NYAP2: variants seen among roughly 807,000 people sequenced by gnomAD.
NYAP2 encodes the protein neuronal tyrosine-phosphorylated phosphoinositide-3-kinase adapter 2.
Under a neutral mutation model 50.4 loss-of-function variants are expected in NYAP2, and 23 were observed. The observed-to-expected ratio is 0.46, with a 90% confidence interval of 0.33 to 0.65. NYAP2 has a LOEUF of 0.65. Ranked by LOEUF, NYAP2 falls within the 30% of genes least tolerant of loss-of-function variation. The pLI is 0.02. For missense variants in NYAP2, 885 were observed against 861.0 expected (o/e 1.03, Z -0.35); for synonymous variants, 394 against 365.2 (o/e 1.08, Z -0.90).
In NYAP2 at chr2:225,596,629, G is replaced by A. The variant is rs529289168; in HGVS notation, c.1618+13594G>A. 9.9e-5 allele frequency among the ~76,000 whole-genome samples: 15 copies of A among 152,148 alleles called. 1 individual carries two copies. The East Asian group carries it at 2.5e-3, about 25-fold the overall frequency. On this transcript the variant is annotated intron_variant, in intron 5 of 6. Transcript: ENST00000636099. ...TAAAGCTAATTTTTTTTAAAAAATA[G>A]CACCATCCAATAGAATTGCCATGAT...
intron 5 of NYAP2, among the ~76,000 whole-genome samples, chr2:225,584,981 A>G (rs1056219429): frequency 1.3e-5 from 2 of 152,246 alleles, no homozygotes; most frequent in East Asian, 3.9e-4. Flanking sequence ...TGTTACTGAC[A>G]TCTATTGGGT....
chr2:225,459,442 G>A (rs867704026), intron 3 of NYAP2, among the ~76,000 whole-genome samples: 7 of 151,974 alleles, frequency 4.6e-5, no homozygotes, highest in Admixed American at 3.3e-4. Context: ...GAAATTTAAC[G>A]GATTGAAAAT....
chr2:225,492,323 T>C (rs1690422957), intron 3 of NYAP2, among the ~76,000 whole-genome samples: 1 of 152,226 alleles, frequency 6.6e-6, no homozygotes, highest in Non-Finnish European at 1.5e-5. Context: ...AAAGAATTCC[T>C]GTGTGTTCTG....
chr2:225,436,304 C>G (rs546446903), intron 3 of NYAP2, among the ~76,000 whole-genome samples: 1 of 152,202 alleles, frequency 6.6e-6, no homozygotes, highest in African/African-American at 2.4e-5. Flanking sequence ...TCACAATTCT[C>G]GAGGTGAGAA....
chr2:225,596,633 C>T (rs1260870613), intron 5 of NYAP2, among the ~76,000 whole-genome samples: 3 of 151,934 alleles, frequency 2.0e-5, no homozygotes, highest in Non-Finnish European at 2.9e-5. Context: ...AAAATAGCAC[C>T]ATCCAATAGA....
At chr2:225,531,661 C>T (rs1574661809) in intron 4 of NYAP2, among the ~76,000 whole-genome samples, 1 of 152,248 alleles carries the variant, frequency 6.6e-6, no homozygotes, top group African/African-American at 2.4e-5. Context: ...TTTCAGGCAC[C>T]TTTAATGTAG....
At chr2:225,578,872 T>A (rs1692214675) in intron 4 of NYAP2, among the ~76,000 whole-genome samples, 1 of 152,048 alleles carries the variant, frequency 6.6e-6, no homozygotes, top group African/African-American at 2.4e-5. Context: ...TGTAAGAAAA[T>A]TAGAGAGTGG....
At chr2:225,554,146 G>A (rs1691730869) in intron 4 of NYAP2, among the ~76,000 whole-genome samples, 3 of 151,508 alleles carry the variant, frequency 2.0e-5, no homozygotes, top group Admixed American at 2.0e-4. Flanking sequence ...TTTTTCAGTG[G>A]CAATAACAGC....
chr2:225,579,024 A>G (rs1212084507), intron 4 of NYAP2, among the ~76,000 whole-genome samples: 1 of 152,038 alleles, frequency 6.6e-6, no homozygotes, highest in Non-Finnish European at 1.5e-5. Flanking sequence ...CTCATACGGC[A>G]TGCACGTGCA....
chr2:225,543,820 C>T (rs897943596), intron 4 of NYAP2, among the ~76,000 whole-genome samples: 3 of 151,854 alleles, frequency 2.0e-5, no homozygotes, highest in Non-Finnish European at 4.4e-5. Flanking sequence ...GTTGACTTTC[C>T]GTCTGGGAGA....
At chr2:225,469,012 C>T (rs1044597536) in intron 3 of NYAP2, among the ~76,000 whole-genome samples, 12 of 152,162 alleles carry the variant, frequency 7.9e-5, no homozygotes, top group South Asian at 2.1e-4. Flanking sequence ...CCAAAATTGA[C>T]GAATGAGATC....
the NYAP2 span, among the ~76,000 whole-genome samples, chr2:225,681,246 G>C: frequency 6.6e-6 from 1 of 152,190 alleles, no homozygotes; most frequent in East Asian, 1.9e-4. Flanking sequence ...TCATAGCTGA[G>C]AGGTAGGGGA....
intron 4 of NYAP2, among the ~76,000 whole-genome samples, chr2:225,530,451 G>T (rs1472642498): frequency 1.1e-4 from 17 of 152,028 alleles, no homozygotes; most frequent in Non-Finnish European, 2.9e-5. Flanking sequence ...CCTATCCTTT[G>T]GTATGTCTCT....
intron 6 of NYAP2, among the ~76,000 whole-genome samples, chr2:225,639,150 TG>T (rs1304574274): frequency 6.6e-6 from 1 of 152,152 alleles, no homozygotes; most frequent in Non-Finnish European, 1.5e-5. Context: ...GGTACAGCTC[TG>T]GCTTCTGGGG....
chr2:225,661,621 G>A, the NYAP2 span, among the ~76,000 whole-genome samples: 1 of 152,090 alleles, frequency 6.6e-6, no homozygotes, highest in Admixed American at 6.5e-5. Flanking sequence ...TAACCAGTGA[G>A]TGGCTTTATG....
chr2:225,639,887 G>A (rs1443549911), intron 6 of NYAP2, among the ~76,000 whole-genome samples: 1 of 152,114 alleles, frequency 6.6e-6, no homozygotes, highest in African/African-American at 2.4e-5. Flanking sequence ...TGAGTTAGGA[G>A]GAAGAGCAAT....
chr2:225,501,682 T>C (rs979148181), intron 3 of NYAP2, among the ~76,000 whole-genome samples: 3 of 152,224 alleles, frequency 2.0e-5, no homozygotes, highest in Non-Finnish European at 4.4e-5. Flanking sequence ...ATAGTATCAT[T>C]GTAGTTTTTC....
intron 4 of NYAP2, among the ~76,000 whole-genome samples, chr2:225,515,961 G>A (rs1393907678): frequency 6.6e-6 from 1 of 152,206 alleles, no homozygotes; most frequent in African/African-American, 2.4e-5. Flanking sequence ...CATAAGGGAT[G>A]TGTTATCAAT....
intron 6 of NYAP2, among the ~76,000 whole-genome samples, chr2:225,632,256 C>T (rs79247626): frequency 0.11 from 16,760 of 152,160 alleles, 1,030 homozygotes; most frequent in South Asian, 0.15. Flanking sequence ...GTTTCTCCTC[C>T]TTCTCTTTAT....
Sources: allele counts gnomAD v4.1 joint callset (sites outside exome capture counted in the v4.1 genomes callset), GRCh38; gene constraint gnomAD v4.1.1; transcripts MANE v1.5; gene names NCBI Gene and HGNC (gene_info 2026-07-23, HGNC 2026-07-21).